RBM45: variants seen among roughly 807,000 people sequenced by gnomAD.
RBM45 encodes the protein RNA binding motif protein 45, also known as RNA-binding protein 45.
Under a neutral mutation model 58.5 loss-of-function variants are expected in RBM45, and 39 were observed. The observed-to-expected ratio is 0.67, with a 90% CI of 0.52 to 0.87. The LOEUF (loss-of-function observed/expected upper bound fraction) is 0.87, where lower values mean the gene tolerates loss of function less well. Among genes scored for constraint, RBM45 ranks in the 40% least tolerant of loss-of-function variants. RBM45 has a pLI of 0.00. For missense variants in RBM45, 481 were observed against 581.6 expected, an observed-to-expected ratio of 0.83 and a Z score of 1.78; for synonymous variants, 193 against 203.0, an observed-to-expected ratio of 0.95 and a Z score of 0.42.
chr2:178,134,993 C>A (rs1432229826), intron 3 of RBM45, among the ~76,000 whole-genome samples: 2 of 152,178 alleles, frequency 1.3e-5, no homozygotes, highest in African/African-American at 4.8e-5. Context: ...GGCGACAGAG[C>A]AAGACTCCAT....
At chr2:178,112,915 G>A in intron 1 of RBM45, 69 bp downstream of exon 1, 1 of 1,495,158 alleles carries the variant, frequency 6.7e-7, no homozygotes, top group Non-Finnish European at 9.1e-7. Flanking sequence ...TTCACCTGCT[G>A]CTCTGCCGGG....
chr2:178,125,830 G>A, intron 8 of RBM45, 154 bp from the exon 9 acceptor site: 2 of 714,936 alleles, frequency 2.8e-6, no homozygotes, highest in South Asian at 1.5e-5. Flanking sequence ...GAATGAGAAT[G>A]AATAGAATTG....
intron 3 of RBM45, among the ~76,000 whole-genome samples, chr2:178,135,777 AGAT>A (rs1379512147): frequency 6.6e-6 from 1 of 152,256 alleles, no homozygotes; most frequent in Non-Finnish European, 1.5e-5. Context: ...AAAATAAGAA[AGAT>A]AATAATTATT....
At position 178,118,083 on chromosome 2, in the gene RBM45, T is replaced by G; in HGVS notation, c.452T>G (p.Ile151Ser). The change falls in exon 3 of 10, where the codon ATT (isoleucine) becomes AGT (serine). Residue 151 changes from isoleucine (I) to serine (S), a missense_variant. Transcript: ENST00000286070. ...TATGGAGATATCGAGTATTGCAGCATTATTAAGAATAAAGTGACTGGAGAA... is the reference window on the plus strand; with the variant it reads ...TATGGAGATATCGAGTATTGCAGCAGTATTAAGAATAAAGTGACTGGAGAA... The part of the protein sequence containing the change: ...KVYGDIEYCS[I>S]IKNKVTGESK... 6.2e-7 allele frequency: 1 copy of G among 1,611,984 alleles called. No individual in the cohort carries two copies. The highest frequency in any genetic ancestry group is 1.1e-5 in the South Asian group (1 of 90,832).
chr2:178,123,312 AT>A (rs2087880075), intron 5 of RBM45, among the ~76,000 whole-genome samples: 1 of 152,132 alleles, frequency 6.6e-6, no homozygotes, highest in African/African-American at 2.4e-5. Context: ...TCATGTTCAT[AT>A]TTTTCCCTAA....
chr2:178,120,569 A>G (rs558870485), intron 4 of RBM45, among the ~76,000 whole-genome samples, 160 bp downstream of exon 4: 3 of 152,278 alleles, frequency 2.0e-5, no homozygotes, highest in Non-Finnish European at 2.9e-5. Context: ...TATGACTCCT[A>G]AAGTTCTTAA....
chr2:178,120,464 T>G, intron 4 of RBM45, 55 bp downstream of exon 4: 1 of 1,504,228 alleles, frequency 6.6e-7, no homozygotes, highest in Non-Finnish European at 8.9e-7. Flanking sequence ...CAATCTAATT[T>G]GGGTTTTAAA....
chr2:178,114,364 T>A (rs1316425969), intron 1 of RBM45, among the ~76,000 whole-genome samples: 1 of 152,180 alleles, frequency 6.6e-6, no homozygotes, highest in African/African-American at 2.4e-5. Flanking sequence ...CCCAAAAAAC[T>A]GTCCCATATT....
chr2:178,115,684 A>C (rs779920814), intron 1 of RBM45, among the ~76,000 whole-genome samples: 7 of 152,216 alleles, frequency 4.6e-5, no homozygotes, highest in Admixed American at 1.3e-4. Flanking sequence ...ATCAGAGACC[A>C]AGATATAGAG....
chr2:178,121,321 A>G lies in RBM45; in HGVS notation c.815A>G (p.Glu272Gly). The part of the protein sequence containing the change: ...FSIFDIVPGL[E>G]YCEVQRDPYS... ...ATTTTTGATATAGTACCAGGATTGG[A>G]ATATTGTGAAGTTCAACGAGATCCT... Residue 272 changes from glutamate (E) to glycine (G), a missense_variant, in exon 5 of 10, where the codon GAA becomes GGA. By Grantham distance (98) the Glu-to-Gly change is moderately conservative. Transcript: ENST00000286070. 1 of 1,588,480 alleles carries G rather than the reference A, an allele frequency of 6.3e-7. No individual in the cohort carries two copies. The highest frequency in any genetic ancestry group is 8.5e-7 in the Non-Finnish European group (1 of 1,170,932).
At chr2:178,128,869 C>T (rs750671570) in intron 9 of RBM45, among the ~76,000 whole-genome samples, 13 of 152,020 alleles carry the variant, frequency 8.6e-5, no homozygotes, top group African/African-American at 1.4e-4. Context: ...TTTTAAGTTT[C>T]GATAAAATAC....
chr2:178,124,352 T>C (rs2087898191), intron 8 of RBM45, 62 bp downstream of exon 8: 2 of 1,080,090 alleles, frequency 1.9e-6, no homozygotes, highest in Non-Finnish European at 2.6e-6. Context: ...ATTCTTATAA[T>C]CTAGACACTT....
At chr2:178,127,649 A>G (rs577681216) in intron 9 of RBM45, among the ~76,000 whole-genome samples, 1 of 152,362 alleles carries the variant, frequency 6.6e-6, no homozygotes, top group East Asian at 1.9e-4. Flanking sequence ...AACCCTGGAT[A>G]TATTAAATTG....
chr2:178,121,104 TC>T (rs2087844202), intron 4 of RBM45, 75 bp from the exon 5 acceptor site: 1 of 718,208 alleles, frequency 1.4e-6, no homozygotes, highest in Admixed American at 3.0e-5. Context: ...GACTCTGTTT[TC>T]TAGTATTTAA....
intron 1 of RBM45, among the ~76,000 whole-genome samples, chr2:178,115,212 A>G (rs1428100640): frequency 6.6e-6 from 1 of 152,346 alleles, no homozygotes; most frequent in Admixed American, 6.5e-5. Flanking sequence ...CTATGAAGGT[A>G]AAAATTTATG....
At chr2:178,123,163 A>G (rs1363946749) in intron 5 of RBM45, among the ~76,000 whole-genome samples, 1 of 152,188 alleles carries the variant, frequency 6.6e-6, no homozygotes, top group African/African-American at 2.4e-5. Flanking sequence ...GGTTGGGAAA[A>G]TCTTAAAATT....
At chr2:178,125,310 G>C (rs1215360330) in intron 8 of RBM45, among the ~76,000 whole-genome samples, 3 of 152,146 alleles carry the variant, frequency 2.0e-5, no homozygotes, top group African/African-American at 7.2e-5. Context: ...TCTCATGTAG[G>C]AAACAGACAA....
downstream of RBM45, among the ~76,000 whole-genome samples, chr2:178,132,836 C>T (rs768240098): frequency 6.6e-6 from 1 of 152,210 alleles, no homozygotes; most frequent in Non-Finnish European, 1.5e-5. Flanking sequence ...GACCTGCCCA[C>T]CTCGGCCTCC....
chr2:178,119,821 C>CA (rs934695748), intron 3 of RBM45, among the ~76,000 whole-genome samples: 25 of 150,516 alleles, frequency 1.7e-4, no homozygotes, highest in South Asian at 6.3e-4. Context: ...GATCCAGAAG[C>CA]AAAAAAAACA....
Sources: gnomAD v4.1 joint callset for allele counts (sites outside exome capture counted in the v4.1 genomes callset) on GRCh38, gnomAD v4.1.1 for gene constraint, MANE v1.5 for transcripts, NCBI Gene and HGNC (gene_info 2026-07-23, HGNC 2026-07-21) for gene names.